Variants in GSDMD observed in about 807,000 individuals in gnomAD.
GSDMD encodes gasdermin D.
Under a neutral mutation model 46.7 loss-of-function variants are expected in GSDMD, and 46 were observed. The ratio of observed to expected loss-of-function variants is 0.99; its 90% confidence interval spans 0.78 to 1.26. GSDMD has a LOEUF of 1.26. Ranked by LOEUF, GSDMD falls within the 50% of genes most tolerant of loss-of-function variation. The pLI is 0.00. For synonymous variants in GSDMD, 307 were observed against 283.1 expected (o/e 1.08, Z -0.85); for missense variants, 649 against 638.8 (o/e 1.02, Z -0.17).
At chr8:143,556,084 A>C (rs1449580229), upstream of GSDMD, 1 of 152,140 alleles carries the variant, frequency 6.6e-6, no homozygotes, top group Non-Finnish European at 1.5e-5. Flanking sequence ...GGTGGCGGGC[A>C]CCTGTAATCC....
intron 1 of GSDMD, 117 bp downstream of exon 1, chr8:143,558,568 CG>C (rs1245284422): frequency 2.9e-6 from 3 of 1,042,058 alleles, no homozygotes; most frequent in Admixed American, 3.7e-5. Context: ...CAGAAGGCCC[CG>C]CGCCGCACAC....
chr8:143,558,496 G>C (rs1385986564), intron 1 of GSDMD, 45 bp downstream of exon 1: 1 of 1,408,842 alleles, frequency 7.1e-7, no homozygotes, highest in East Asian at 3.0e-5. Context: ...TGGAGCTCCC[G>C]AGTGGGGCCG....
In GSDMD at chr8:143,562,885, T is replaced by C; in HGVS notation, c.1436T>C (p.Leu479Pro). ...GCCTCCCTGGCACTGCTATCAGGAC[T>C]GAGCCAGGAGCCCCACTAGCCTGTG... ...LYASLALLSG[L>P]SQEPH The change falls in exon 11 of 11, where the codon CTG (leucine) becomes CCG (proline). Residue 479 changes from leucine to proline, a missense_variant. Transcript: ENST00000262580. 6.2e-7 allele frequency: 1 copy of C among 1,612,184 alleles called. No homozygotes were observed. Among genetic ancestry groups the C allele is most frequent in the Non-Finnish European group, 8.5e-7 (1 of 1,179,976 alleles).
chr8:143,555,710 C>T (rs1438397503), upstream of GSDMD, among the ~76,000 whole-genome samples: 1 of 152,172 alleles, frequency 6.6e-6, no homozygotes, highest in Non-Finnish European at 1.5e-5. Context: ...GCCGGGGTCA[C>T]GGAGGAAGGT....
chr8:143,555,367 C>G (rs571227093), upstream of GSDMD, among the ~76,000 whole-genome samples: 27 of 152,312 alleles, frequency 1.8e-4, no homozygotes, highest in Middle Eastern at 3.4e-3. Context: ...GAGCCCCAGG[C>G]TGCCGCAACA....
upstream of GSDMD, among the ~76,000 whole-genome samples, chr8:143,554,102 G>A (rs4874150): frequency 0.73 from 111,206 of 152,136 alleles, 40,925 homozygotes; most frequent in East Asian, 0.97. Context: ...TTGCTGCAAA[G>A]GAAAGGAGAA....
chr8:143,558,602 G>T (rs964983566), intron 1 of GSDMD, 151 bp downstream of exon 1: 9 of 797,974 alleles, frequency 1.1e-5, no homozygotes, highest in African/African-American at 1.9e-5. Context: ...TCCAGGCTTC[G>T]GGAAAGGCTG....
intron 6 of GSDMD, 66 bp downstream of exon 6, chr8:143,561,489 GC>G: frequency 6.7e-7 from 1 of 1,491,592 alleles, no homozygotes; most frequent in South Asian, 1.2e-5. Context: ...GGCAGTTGAG[GC>G]CTTCTCCTCA....
chr8:143,555,173 C>G (rs147033821), upstream of GSDMD: 1 of 152,272 alleles, frequency 6.6e-6, no homozygotes, highest in Admixed American at 6.5e-5. Context: ...AACCCAGGAT[C>G]GCTGGAAAAT....
At chr8:143,560,490 G>A in intron 3 of GSDMD, 113 bp from the exon 4 acceptor site, 1 of 1,173,990 alleles carries the variant, frequency 8.5e-7, no homozygotes, top group Non-Finnish European at 1.2e-6. Context: ...GGCACCCACA[G>A]ACCTCTGGAG....
upstream of GSDMD, among the ~76,000 whole-genome samples, chr8:143,557,203 G>A (rs1404277494): frequency 1.3e-5 from 2 of 152,292 alleles, no homozygotes; most frequent in African/African-American, 4.8e-5. Context: ...CGTGGGCGCC[G>A]TTCTACGGCC....
At chr8:143,555,689 G>C (rs1823286974), upstream of GSDMD, among the ~76,000 whole-genome samples, 1 of 152,342 alleles carries the variant, frequency 6.6e-6, no homozygotes, top group Admixed American at 6.5e-5. Flanking sequence ...CAGTGTGTGG[G>C]CTCCTTGCCT....
chr8:143,558,207 G>GTAGAT, upstream of GSDMD: 1 of 983,822 alleles, frequency 1.0e-6, no homozygotes, highest in South Asian at 1.7e-5. Flanking sequence ...CCAGGATGGG[G>GTAGAT]CGCCAAGCCA....
chr8:143,560,683 T>G lies in GSDMD; in HGVS notation c.491T>G (p.Leu164Arg). The G allele has an allele frequency of 6.3e-7, 1 of 1,587,728 alleles. No homozygotes were observed. The highest frequency in any genetic ancestry group is 8.6e-7 in the Non-Finnish European group (1 of 1,167,214). The change falls in exon 4 of 11, where the codon CTG becomes CGG. Residue 164 changes from leucine (L) to arginine (R), a missense_variant. Transcript: ENST00000262580. ...AACGTGTACGTGGTGACTGAGGTGC[T>G]GCAGACACAGAAGGAGGTGGAAGTC... ...GDNVYVVTEV[L>R]QTQKEVEVTR...
chr8:143,561,509 G>C, intron 6 of GSDMD, 86 bp downstream of exon 6: 1 of 1,385,442 alleles, frequency 7.2e-7, no homozygotes, highest in Non-Finnish European at 1.0e-6. Flanking sequence ...CATGTTCTCA[G>C]GGCACAGGGA....
At chr8:143,560,349 AG>A (rs1352032211) in intron 3 of GSDMD, 3 of 671,180 alleles carry the variant, frequency 4.5e-6, no homozygotes. Flanking sequence ...TGTGAGGACA[AG>A]GGGTGGTGTG....
upstream of GSDMD, among the ~76,000 whole-genome samples, chr8:143,557,032 C>T (rs1189403453): frequency 6.6e-6 from 1 of 152,256 alleles, no homozygotes; most frequent in African/African-American, 2.4e-5. Flanking sequence ...CCGGCAGCGC[C>T]ATCTCCCTTC....
intron 8 of GSDMD, 37 bp downstream of exon 8, chr8:143,562,168 G>A (rs752174649): frequency 1.3e-6 from 2 of 1,594,380 alleles, no homozygotes; most frequent in Non-Finnish European, 1.7e-6. Context: ...CACAAGGCCT[G>A]CCCAGCCAGC....
chr8:143,561,997 C>T lies in GSDMD; in HGVS notation c.862C>T (p.Gln288Ter). 1 of 1,606,944 alleles carries T rather than the reference C, an allele frequency of 6.2e-7. No individual in the cohort carries two copies. The highest frequency in any genetic ancestry group is 8.5e-7 in the Non-Finnish European group (1 of 1,178,710). ...GGAGGGGGCGTTCACTGAAGACTTC[C>T]AGGGCCTACGGGCAGAGGTGGAGAC... ...PAEGAFTEDF[Q>*]GLRAEVETIS... Residue 288 changes from glutamine to a stop codon, truncating the protein, a stop_gained, in exon 8 of 11, where the codon CAG becomes TAG. Coordinates refer to ENST00000262580, the MANE Select transcript of GSDMD (RefSeq NM_024736.7). LOFTEE classifies it high-confidence loss of function.
Sources: gnomAD v4.1 joint callset for allele counts (sites outside exome capture counted in the v4.1 genomes callset) on GRCh38, gnomAD v4.1.1 for gene constraint, MANE v1.5 for transcripts, NCBI Gene and HGNC (gene_info 2026-07-23, HGNC 2026-07-21) for gene names.